Variants in NLRP8 observed in about 807,000 individuals in gnomAD.
NLRP8 encodes NACHT, LRR and PYD domains-containing protein 8.
A neutral mutation model predicts 88.7 loss-of-function variants in NLRP8; 86 were observed. The ratio of observed to expected loss-of-function variants is 0.97; its 90% confidence interval spans 0.81 to 1.16. NLRP8 has a LOEUF of 1.16. Ranked by LOEUF, NLRP8 falls within the 50% of genes most tolerant of loss-of-function variation. NLRP8 has a pLI of 0.00. For missense variants in NLRP8, 1,342 were observed against 1,286.5 expected (o/e 1.04, Z -0.66); for synonymous variants, 504 against 494.6 (o/e 1.02, Z -0.25).
At chr19:55,982,918 C>T (rs977245532) in intron 9 of NLRP8, among the ~76,000 whole-genome samples, 5 of 152,124 alleles carry the variant, frequency 3.3e-5, no homozygotes, top group Admixed American at 1.3e-4. Flanking sequence ...GCACTCCAGC[C>T]TGGGCAACAG....
intron 6 of NLRP8, among the ~76,000 whole-genome samples, chr19:55,972,809 ATGTGTGTGTG>A (rs3055424): frequency 3.7e-5 from 5 of 135,036 alleles, no homozygotes; most frequent in Non-Finnish European, 7.9e-5. Flanking sequence ...GTGTGTGTGT[ATGTGTGTGTG>A]TGTGTGTGTG....
At chr19:55,962,557 T>G (rs1979661064) in intron 4 of NLRP8, among the ~76,000 whole-genome samples, 2 of 152,194 alleles carry the variant, frequency 1.3e-5, no homozygotes, top group Admixed American at 1.3e-4. Flanking sequence ...GGTCACGGAA[T>G]TCCTGACATC....
chr19:55,959,435 A>T (rs1434730056), intron 3 of NLRP8, among the ~76,000 whole-genome samples: 2 of 150,640 alleles, frequency 1.3e-5, no homozygotes, highest in African/African-American at 2.4e-5. Context: ...AATGGTCTTG[A>T]TCTCCTGACC....
In NLRP8 at chr19:55,961,199, G is replaced by A. The variant is rs975739122; in HGVS notation, c.2043-868G>A. On this transcript the variant is annotated intron_variant, in intron 3 of 9. Coordinates refer to ENST00000291971, the MANE Select transcript of NLRP8 (RefSeq NM_176811.2). ...ATTACAATGTGAGCCACCGTGCCCG[G>A]CCACTTTCAACTATTTCTTTAATGC... is the stretch of plus-strand genomic sequence containing the variant. Among the ~76,000 whole-genome samples, 7 of 152,130 alleles carry A rather than the reference G, an allele frequency of 4.6e-5. No individual in the cohort carries two copies. In the East Asian group the frequency reaches 7.8e-4, roughly 17 times the overall value.
At chr19:55,986,328 ACTCTCT>A (rs1388050189) in intron 9 of NLRP8, among the ~76,000 whole-genome samples, 1 of 150,570 alleles carries the variant, frequency 6.6e-6, no homozygotes, top group Non-Finnish European at 1.5e-5. Flanking sequence ...ACACACACAC[ACTCTCT>A]GTCTCACACA....
chr19:55,968,925 C>CT lies in NLRP8; in HGVS notation c.2382-1618dup, dbSNP rs1979958052. ...GGTGGAAACATGATGTCATGGTGCA[C>CT]TACTCTGCACCTCCTCCCACTCCTC... On this transcript the variant is annotated intron_variant, in intron 5 of 9. Transcript: ENST00000291971. 2.0e-5 allele frequency among the ~76,000 whole-genome samples: 3 copies of CT among 152,220 alleles called. No homozygotes were observed. The South Asian group carries it at 6.2e-4, about 32-fold the overall frequency.
chr19:55,971,978 G>A (rs181277036), intron 6 of NLRP8, among the ~76,000 whole-genome samples: 71 of 152,130 alleles, frequency 4.7e-4, no homozygotes, highest in Admixed American at 1.6e-3. Context: ...GTCTTCCCAT[G>A]TATTTAATGC....
intron 9 of NLRP8, among the ~76,000 whole-genome samples, chr19:55,987,557 G>C (rs140422810): frequency 2.2e-3 from 331 of 152,278 alleles, no homozygotes; most frequent in Non-Finnish European, 3.8e-3. Context: ...TGTTTACCAA[G>C]GGAGGAAGCT....
At chr19:55,984,034 C>A (rs911825849) in intron 9 of NLRP8, among the ~76,000 whole-genome samples, 3 of 151,968 alleles carry the variant, frequency 2.0e-5, no homozygotes, top group Non-Finnish European at 4.4e-5. Flanking sequence ...AAAACCCAAC[C>A]ACTATTACAA....
chr19:55,986,473 T>TACAC (rs896816246), intron 9 of NLRP8, among the ~76,000 whole-genome samples: 2,900 of 72,442 alleles, frequency 0.04, 51 homozygotes, highest in Admixed American at 0.11. Context: ...CTCTCTCACA[T>TACAC]ACACACACAC....
rs373887231 is a variant in NLRP8 at position 55,956,112 on chromosome 19, G to A, written c.2042+12G>A. 35 of 1,604,466 alleles carry A rather than the reference G, an allele frequency of 2.2e-5. No homozygotes were observed. The African/African-American group carries it at 2.3e-4, about 10-fold the overall frequency. On this transcript the variant is annotated intron_variant, in intron 3 of 9. Coordinates refer to ENST00000291971, the MANE Select transcript of NLRP8 (RefSeq NM_176811.2). Reference sequence around the variant, plus strand: ...CATCCTGGCTCTGAGTAAGTGCTTCGGTCCCTCCTTGGGTAGCCCGTCCTA... The same window carrying A: ...CATCCTGGCTCTGAGTAAGTGCTTCAGTCCCTCCTTGGGTAGCCCGTCCTA...
Position 55,955,044 on chromosome 19 carries a change from C to T in NLRP8, c.986C>T (p.Thr329Met), listed in dbSNP as rs779234643. The change falls in exon 3 of 10, where the codon ACG becomes ATG. Residue 329 changes from threonine to methionine, a missense_variant. By Grantham distance (81) the Thr-to-Met change is moderately conservative (BLOSUM62 -1). Coordinates refer to ENST00000291971, the MANE Select transcript of NLRP8 (RefSeq NM_176811.2). ...AGCAAAACGATGCTTCCAGAGGCCA[C>T]GCTACTGATCATGATAAGATTTACC... 5.0e-5 allele frequency: 81 copies of T among 1,613,930 alleles called. No individual in the cohort carries two copies. The highest frequency in any genetic ancestry group is 4.5e-4 in the South Asian group (41 of 91,088).
At chr19:55,973,620 C>A in intron 6 of NLRP8, 32 bp from the exon 7 acceptor site, 1 of 1,553,212 alleles carries the variant, frequency 6.4e-7, no homozygotes, top group Non-Finnish European at 8.7e-7. Context: ...GACCCCTCTC[C>A]ATTCAGTCAT....
chr19:55,962,190 T>A lies in NLRP8; in HGVS notation c.2166T>A (p.Ala722=). 2.5e-6 allele frequency: 4 copies of A among 1,614,156 alleles called. No individual in the cohort carries two copies. The highest frequency in any genetic ancestry group is 3.4e-6 in the Non-Finnish European group (4 of 1,180,022). The stretch of plus-strand genomic sequence containing the variant: ...TTTTGGGGCCTCCTTTTTTGAAGGC[T>A]CTCGCGGCCGCACTGAGGCACCCTC... Residue 722 remains alanine (A), a synonymous_variant, in exon 4 of 10, where the codon GCT becomes GCA. Transcript: ENST00000291971.
At chr19:55,957,718 TATATATAA>T (rs1979441157) in intron 3 of NLRP8, among the ~76,000 whole-genome samples, 4 of 102,760 alleles carry the variant, frequency 3.9e-5, no homozygotes, top group Admixed American at 9.9e-5. Context: ...TATATATATA[TATATATAA>T]AATAAGGTTG....
rs766447946 is a variant in NLRP8, at chr19:55,955,895, C to G, written c.1837C>G (p.Leu613Val). Reference sequence around the variant, plus strand: ...TGGGGTCCCGCAGTTATTCTACTGTCTGCATGAAATCCGGGAGGAAGCCTT... The same window carrying G: ...TGGGGTCCCGCAGTTATTCTACTGTGTGCATGAAATCCGGGAGGAAGCCTT... The change falls in exon 3 of 10, where the codon CTG becomes GTG. Residue 613 changes from leucine (L) to valine (V), a missense_variant. Leu to Val is a conservative substitution (Grantham distance 32). Coordinates refer to ENST00000291971, the MANE Select transcript of NLRP8 (RefSeq NM_176811.2). The G allele has an allele frequency of 3.7e-6, 6 of 1,614,172 alleles. 1 individual carries two copies. The South Asian group carries it at 5.5e-5, about 15-fold the overall frequency.
At chr19:55,961,699 A>C (rs1373856272) in intron 3 of NLRP8, among the ~76,000 whole-genome samples, 1 of 152,158 alleles carries the variant, frequency 6.6e-6, no homozygotes, top group Non-Finnish European at 1.5e-5. Context: ...CTCCTCAGGC[A>C]GATGAAGTGG....
chr19:55,952,054 G>T (rs894927620), intron 1 of NLRP8, among the ~76,000 whole-genome samples: 1 of 151,926 alleles, frequency 6.6e-6, no homozygotes, highest in Non-Finnish European at 1.5e-5. Flanking sequence ...GCCCAGCCTC[G>T]TATTGGTTTT....
At chr19:55,963,228 A>G (rs911334025) in intron 4 of NLRP8, among the ~76,000 whole-genome samples, 56 of 152,188 alleles carry the variant, frequency 3.7e-4, no homozygotes, top group African/African-American at 1.3e-3. Context: ...TGGTCAGGCT[A>G]GTTTTGAACT....
Sources: allele counts gnomAD v4.1 joint callset (sites outside exome capture counted in the v4.1 genomes callset), GRCh38; gene constraint gnomAD v4.1.1; transcripts MANE v1.5; gene names NCBI Gene and HGNC (gene_info 2026-07-23, HGNC 2026-07-21).